The following CDH13 variants were observed in gnomAD, a reference collection of about 807,000 sequenced individuals.
CDH13 encodes cadherin-13.
A neutral mutation model predicts 63.8 loss-of-function variants in CDH13; 24 were observed. That is an observed-to-expected ratio of 0.38 (90% CI 0.27 to 0.53). The LOEUF (loss-of-function observed/expected upper bound fraction) is 0.53, where lower values mean the gene tolerates loss of function less well. CDH13 is among the 20% of genes least tolerant of loss of function. The pLI is 0.85. For missense variants in CDH13, 1,049 were observed against 903.1 expected (o/e 1.16, Z -2.07); for synonymous variants, 503 against 355.3 (o/e 1.42, Z -4.67).
rs150874485 is a variant in CDH13, at chr16:82,652,895, C to T, written c.45+25758C>T. 4.1e-4 allele frequency among the ~76,000 whole-genome samples: 63 copies of T among 152,304 alleles called. 2 individuals are homozygous for T. In the East Asian group the frequency reaches 6.7e-3, roughly 16 times the overall value. On this transcript the variant is annotated intron_variant, in intron 1 of 13. Coordinates refer to ENST00000567109, the MANE Select transcript of CDH13 (RefSeq NM_001257.5). ...CCAGAAGAAAATCAAAACTGTTGCT[C>T]AAACTGACAGTGTATGTTCTTCATC...
chr16:82,748,699 A>C (rs538952240), intron 1 of CDH13, among the ~76,000 whole-genome samples: 7 of 152,280 alleles, frequency 4.6e-5, no homozygotes, highest in Admixed American at 3.3e-4. Flanking sequence ...CACAGATCAG[A>C]ATCTACCTAG....
intron 2 of CDH13, among the ~76,000 whole-genome samples, chr16:82,938,743 G>A (rs2042743951): frequency 6.6e-6 from 1 of 152,202 alleles, no homozygotes; most frequent in Non-Finnish European, 1.5e-5. Context: ...GTCAACGTAG[G>A]GTGCAGTATT....
intron 7 of CDH13, among the ~76,000 whole-genome samples, chr16:83,575,571 C>A (rs994836116): frequency 6.6e-6 from 1 of 152,164 alleles, no homozygotes. Context: ...TTCACCCATG[C>A]CCATCCCAGG....
intron 1 of CDH13, among the ~76,000 whole-genome samples, chr16:82,763,839 C>G (rs1009305476): frequency 2.6e-5 from 4 of 152,150 alleles, no homozygotes; most frequent in East Asian, 3.9e-4. Context: ...CACACCACCA[C>G]GCCCAGGTAA....
chr16:83,334,318 C>T (rs1450711014), intron 5 of CDH13, among the ~76,000 whole-genome samples: 1 of 148,678 alleles, frequency 6.7e-6, no homozygotes, highest in African/African-American at 2.5e-5. Context: ...CCCTCTCTCC[C>T]TATCTCCCTC....
At chr16:83,591,439 T>TTA (rs1906739188) in intron 7 of CDH13, among the ~76,000 whole-genome samples, 1 of 152,262 alleles carries the variant, frequency 6.6e-6, no homozygotes, top group African/African-American at 2.4e-5. Flanking sequence ...ACCAGCCATG[T>TTA]GCTCCTGGGA....
chr16:83,706,563 C>T (rs1907089258), intron 10 of CDH13, among the ~76,000 whole-genome samples: 1 of 152,176 alleles, frequency 6.6e-6, no homozygotes, highest in African/African-American at 2.4e-5. Flanking sequence ...TCAGTGAACC[C>T]TTTACTGCTG....
At chr16:83,467,638 G>C (rs2073350190) in intron 6 of CDH13, among the ~76,000 whole-genome samples, 1 of 152,170 alleles carries the variant, frequency 6.6e-6, no homozygotes, top group Non-Finnish European at 1.5e-5. Flanking sequence ...CGAGACACCT[G>C]TGTGCTTCTC....
At chr16:82,731,641 A>C (rs571361203) in intron 1 of CDH13, among the ~76,000 whole-genome samples, 1 of 152,354 alleles carries the variant, frequency 6.6e-6, no homozygotes, top group East Asian at 1.9e-4. Context: ...TTGATATGGG[A>C]ACCACACTTG....
chr16:82,675,070 T>C (rs982716087), intron 1 of CDH13, among the ~76,000 whole-genome samples: 3 of 152,022 alleles, frequency 2.0e-5, no homozygotes, highest in African/African-American at 4.8e-5. Context: ...ACAAACATTT[T>C]TGGCATAGTT....
At chr16:83,189,832 G>T (rs2038641777) in intron 4 of CDH13, among the ~76,000 whole-genome samples, 1 of 152,154 alleles carries the variant, frequency 6.6e-6, no homozygotes, top group South Asian at 2.1e-4. Context: ...TCACGGGAGG[G>T]ACCCAATGGG....
chr16:83,252,107 T>TACACACAGACAC (rs1905622739), intron 5 of CDH13, among the ~76,000 whole-genome samples: 11 of 135,958 alleles, frequency 8.1e-5, no homozygotes, highest in Non-Finnish European at 1.5e-4. Context: ...ATATATATTA[T>TACACACAGACAC]ACACACACAC....
At chr16:83,674,425 C>T (rs1398406556) in intron 9 of CDH13, among the ~76,000 whole-genome samples, 2 of 152,212 alleles carry the variant, frequency 1.3e-5, no homozygotes, top group East Asian at 1.9e-4. Flanking sequence ...GAGACCCTCT[C>T]CTCTTATCGG....
rs369283595 is a variant in CDH13 at position 82,839,880 on chromosome 16, GACTT to G, written c.46-18477_46-18474del. ...TGCTATTTTTCCATAAGAAAAATCA[GACTT>G]ACTTTGAAAGAGCAGTAGGATTAGC... On this transcript the variant is annotated intron_variant, in intron 1 of 13. Transcript: ENST00000567109. Among the ~76,000 whole-genome samples, 486 of 152,268 alleles carry G rather than the reference GACTT, an allele frequency of 3.2e-3. 6 individuals are homozygous for G. The highest frequency in any genetic ancestry group is 0.011 in the African/African-American group (439 of 41,554).
chr16:83,707,069 C>G (rs1318869695), intron 10 of CDH13, among the ~76,000 whole-genome samples: 1 of 152,174 alleles, frequency 6.6e-6, no homozygotes, highest in African/African-American at 2.4e-5. Context: ...CACATCTACT[C>G]TGGACATTTG....
intron 4 of CDH13, among the ~76,000 whole-genome samples, chr16:83,131,598 G>A (rs1256157657): frequency 6.6e-6 from 1 of 152,120 alleles, no homozygotes; most frequent in African/African-American, 2.4e-5. Flanking sequence ...GATTGATTGA[G>A]AGCAGGGGAC....
chr16:83,656,923 G>T (rs750958222), intron 8 of CDH13, among the ~76,000 whole-genome samples: 2 of 152,148 alleles, frequency 1.3e-5, no homozygotes, highest in Admixed American at 1.3e-4. Flanking sequence ...TTCAGATGTG[G>T]TACATTCTGG....
At chr16:82,637,337 T>C (rs1908775516) in intron 1 of CDH13, among the ~76,000 whole-genome samples, 1 of 151,670 alleles carries the variant, frequency 6.6e-6, no homozygotes, top group South Asian at 2.1e-4. Flanking sequence ...TTTCTTCCTT[T>C]TCTCAACAAA....
chr16:82,754,976 G>A lies in CDH13; in HGVS notation c.46-103386G>A, dbSNP rs187182351. On this transcript the variant is annotated intron_variant, in intron 1 of 13. Coordinates refer to ENST00000567109, the MANE Select transcript of CDH13 (RefSeq NM_001257.5). ...TTAAGGAGAAACTCAAGCCAATGCT[G>A]TAGTTGCAAAGTTCTCCTTACTATT... Among the ~76,000 whole-genome samples, 274 of 152,310 alleles carry A rather than the reference G, an allele frequency of 1.8e-3. 2 individuals carry two copies. Among genetic ancestry groups the A allele is most frequent in the South Asian group, 5.8e-3 (28 of 4,832 alleles).
Sources: gnomAD v4.1 joint callset for allele counts (sites outside exome capture counted in the v4.1 genomes callset) on GRCh38, gnomAD v4.1.1 for gene constraint, MANE v1.5 for transcripts, NCBI Gene and HGNC (gene_info 2026-07-23, HGNC 2026-07-21) for gene names.